Variants in THSD7B observed in about 807,000 individuals in gnomAD.
The protein encoded by THSD7B is thrombospondin type-1 domain-containing protein 7B.
Under a neutral mutation model 213.6 loss-of-function variants are expected in THSD7B, and 138 were observed. The ratio of observed to expected loss-of-function variants is 0.65; its 90% confidence interval spans 0.56 to 0.74. The LOEUF is 0.74. Ranked by LOEUF, THSD7B falls within the 30% of genes least tolerant of loss-of-function variation. THSD7B has a pLI of 0.00. For synonymous variants in THSD7B, 742 were observed against 687.0 expected (o/e 1.08, Z -1.25); for missense variants, 1,931 against 1,991.5 (o/e 0.97, Z 0.58).
At chr2:137,286,301 T>C (rs1683177378) in intron 12 of THSD7B, among the ~76,000 whole-genome samples, 1 of 152,070 alleles carries the variant, frequency 6.6e-6, no homozygotes. Context: ...AGGTTAAAGA[T>C]ATTACCCATC....
At chr2:137,163,541 A>C (rs959804222) in intron 6 of THSD7B, among the ~76,000 whole-genome samples, 1 of 152,214 alleles carries the variant, frequency 6.6e-6, no homozygotes, top group Non-Finnish European at 1.5e-5. Context: ...GCCAAGGAGC[A>C]CCGTGGAGAA....
chr2:137,564,197 G>C (rs555104689), intron 16 of THSD7B, among the ~76,000 whole-genome samples: 4 of 152,312 alleles, frequency 2.6e-5, no homozygotes, highest in African/African-American at 9.6e-5. Flanking sequence ...GTCTAAATCA[G>C]GTAGCTGCCT....
At chr2:137,231,269 A>C in intron 8 of THSD7B, 34 bp downstream of exon 8, 1 of 1,544,970 alleles carries the variant, frequency 6.5e-7, no homozygotes, top group Non-Finnish European at 8.8e-7. Flanking sequence ...CTTTGGATTC[A>C]TTAGCCCAAT....
At chr2:137,326,732 T>C (rs976269083) in intron 12 of THSD7B, among the ~76,000 whole-genome samples, 2 of 152,196 alleles carry the variant, frequency 1.3e-5, no homozygotes, top group Non-Finnish European at 2.9e-5. Context: ...GATGCTGGAA[T>C]GAACAGTTTT....
intron 10 of THSD7B, among the ~76,000 whole-genome samples, chr2:137,245,369 G>A (rs750391347): frequency 4.6e-5 from 7 of 152,174 alleles, no homozygotes; most frequent in Non-Finnish European, 1.0e-4. Flanking sequence ...TCCTGACACT[G>A]AGTAGGCACT....
At chr2:137,621,089 C>T (rs1226057895) in intron 20 of THSD7B, among the ~76,000 whole-genome samples, 2 of 152,134 alleles carry the variant, frequency 1.3e-5, no homozygotes, top group Non-Finnish European at 2.9e-5. Flanking sequence ...ACACCCTAGG[C>T]TGAGCATAAT....
intron 12 of THSD7B, among the ~76,000 whole-genome samples, chr2:137,386,957 A>G (rs1273186672): frequency 6.6e-6 from 1 of 152,220 alleles, no homozygotes; most frequent in Non-Finnish European, 1.5e-5. Flanking sequence ...CTAAGTTTTT[A>G]GATAATTTTA....
chr2:137,663,408 G>A lies in THSD7B; in HGVS notation c.4484G>A (p.Gly1495Asp). The change falls in exon 26 of 28, where the codon GGC (glycine) becomes GAC (aspartate). Residue 1495 changes from glycine (G) to aspartate (D), a missense_variant. By Grantham distance (94) the Gly-to-Asp change is moderately conservative. Transcript: ENST00000409968. ...TQGGVCGCEK[G>D]YTEIMKSNGF... is the part of the protein sequence containing the mutation. ...GGTGGAGTCTGTGGTTGTGAGAAGG[G>A]CTATACAGAGATAATGAAATCAAAT... 1 of 1,590,788 alleles carries A rather than the reference G, an allele frequency of 6.3e-7. No individual in the cohort carries two copies. The highest frequency in any genetic ancestry group is 8.6e-7 in the Non-Finnish European group (1 of 1,167,674).
chr2:136,811,096 C>T (rs1390648463), intron 1 of THSD7B, among the ~76,000 whole-genome samples: 2 of 151,946 alleles, frequency 1.3e-5, no homozygotes, highest in African/African-American at 4.8e-5. Flanking sequence ...ACTCAGGTCC[C>T]CTGAGAAGGA....
intron 4 of THSD7B, among the ~76,000 whole-genome samples, chr2:137,107,140 C>T (rs1688269957): frequency 6.6e-6 from 1 of 152,172 alleles, no homozygotes; most frequent in Non-Finnish European, 1.5e-5. Context: ...GGAACCAACC[C>T]AAATGCCCAT....
intron 12 of THSD7B, among the ~76,000 whole-genome samples, chr2:137,342,327 A>G (rs1334854110): frequency 1.3e-5 from 2 of 151,460 alleles, no homozygotes; most frequent in Admixed American, 1.3e-4. Context: ...AAACAGAAAC[A>G]CTACTGACTT....
chr2:137,541,306 A>G (rs1680605005), intron 15 of THSD7B, among the ~76,000 whole-genome samples: 2 of 149,994 alleles, frequency 1.3e-5, no homozygotes, highest in South Asian at 2.1e-4. Context: ...TGACACATGG[A>G]AAAAAAAAAA....
intron 15 of THSD7B, among the ~76,000 whole-genome samples, chr2:137,530,060 T>G (rs1558828721): frequency 6.6e-6 from 1 of 152,006 alleles, no homozygotes; most frequent in African/African-American, 2.4e-5. Context: ...TCTGGGCGAA[T>G]TAGAACTTGA....
chr2:136,767,650 TA>T (rs1681429477), intron 1 of THSD7B, among the ~76,000 whole-genome samples: 1 of 152,226 alleles, frequency 6.6e-6, no homozygotes, highest in Non-Finnish European at 1.5e-5. Flanking sequence ...TTGTTGACTT[TA>T]AAAACATCGG....
At chr2:137,290,857 A>G (rs1000690278) in intron 12 of THSD7B, among the ~76,000 whole-genome samples, 2 of 152,126 alleles carry the variant, frequency 1.3e-5, no homozygotes, top group African/African-American at 4.8e-5. Flanking sequence ...AGGACTCTCC[A>G]GCCTATTCCC....
chr2:136,792,592 G>A lies in THSD7B; in HGVS notation c.-36+26905G>A, dbSNP rs1681988716. 1.3e-5 allele frequency among the ~76,000 whole-genome samples: 2 copies of A among 152,002 alleles called. 1 individual carries two copies. Among genetic ancestry groups the A allele is most frequent in the African/African-American group, 4.8e-5 (2 of 41,422 alleles). ...ACCACTGTGGGTGGAATGCTGGGGA[G>A]GCTGTGCTGATGGGGAGACAGGGAG... is the stretch of plus-strand genomic sequence containing the variant. On this transcript the variant is annotated intron_variant, in intron 1 of 27. Coordinates refer to ENST00000409968, the MANE Select transcript of THSD7B (RefSeq NM_001316349.2).
chr2:137,188,587 T>A (rs1383547992), intron 7 of THSD7B, among the ~76,000 whole-genome samples: 1 of 152,228 alleles, frequency 6.6e-6, no homozygotes, highest in Non-Finnish European at 1.5e-5. Context: ...TCTGAAGACC[T>A]GCTTAATTGT....
chr2:137,620,323 C>A (rs1682495088), intron 19 of THSD7B, among the ~76,000 whole-genome samples: 1 of 152,186 alleles, frequency 6.6e-6, no homozygotes, highest in South Asian at 2.1e-4. Context: ...GCTGATTGAG[C>A]AACAGGACAG....
At chr2:137,348,648 T>C (rs1278127885) in intron 12 of THSD7B, among the ~76,000 whole-genome samples, 1 of 151,178 alleles carries the variant, frequency 6.6e-6, no homozygotes, top group East Asian at 1.9e-4. Flanking sequence ...TCTGAAACAG[T>C]AGTAGTATTT....
Sources: allele counts gnomAD v4.1 joint callset (sites outside exome capture counted in the v4.1 genomes callset), GRCh38; gene constraint gnomAD v4.1.1; transcripts MANE v1.5; gene names NCBI Gene and HGNC (gene_info 2026-07-23, HGNC 2026-07-21).